NYNRIN: variants seen among roughly 807,000 people sequenced by gnomAD.
The protein encoded by NYNRIN is protein NYNRIN.
Under a neutral mutation model 146.6 loss-of-function variants are expected in NYNRIN, and 86 were observed. The observed-to-expected ratio is 0.59, with a 90% CI of 0.49 to 0.70. The LOEUF is 0.70. NYNRIN is among the 30% of genes least tolerant of loss of function. The pLI is 0.00. For missense variants in NYNRIN, 2,191 were observed against 2,377.7 expected, an observed-to-expected ratio of 0.92 and a Z score of 1.63; for synonymous variants, 1,027 against 1,001.3, an observed-to-expected ratio of 1.03 and a Z score of -0.48.
In NYNRIN at chr14:24,411,385, C is replaced by G. The variant is rs2042912060; in HGVS notation, c.2577C>G (p.Leu859=). ...ESHFLTKLHS[L]KMLSITPSQL... is the part of the protein sequence containing the mutation. Reference sequence around the variant, plus strand: ...ACTTTCTGACGAAGCTACACTCGCTCAAGATGCTTTCAATCACACCCTCCC... The same window carrying G: ...ACTTTCTGACGAAGCTACACTCGCTGAAGATGCTTTCAATCACACCCTCCC... The change falls in exon 6 of 9, where the codon CTC becomes CTG. Residue 859 remains leucine, a synonymous_variant. Coordinates refer to ENST00000382554, the MANE Select transcript of NYNRIN (RefSeq NM_025081.3). This position sits in a 1 kb window ranked among gnomAD's most constrained non-coding sequence, Gnocchi z 4.3. 6.2e-7 allele frequency: 1 copy of G among 1,613,930 alleles called. No homozygotes were observed. The highest frequency in any genetic ancestry group is 1.7e-5 in the Admixed American group (1 of 60,008).
In NYNRIN at chr14:24,399,120, CG is replaced by C. The variant is rs992619777; in HGVS notation, c.-18+40del. ...CGCCGCCTGGAGGAAGGAGGCCGTG[CG>C]GGGGGCGCGCCGCGGGGAGGAGGGG... On this transcript the variant is annotated intron_variant, in intron 1 of 8. Transcript: ENST00000382554. The C allele has an allele frequency of 1.1e-4, 93 of 866,434 alleles. 1 individual carries two copies. In the East Asian group the frequency reaches 2.4e-3, roughly 23 times the overall value. The allele number at this position is 866,434 out of a possible 1,614,324, so 53.7% of individuals were successfully genotyped here.
rs1490610109 is a variant in NYNRIN, at chr14:24,412,985, C to T, written c.2643-12C>T. On this transcript the variant is annotated splice_polypyrimidine_tract_variant and intron_variant, in intron 6 of 8. Transcript: ENST00000382554. ...GTTACTGGGTCATTAGTGACTTCCC[C>T]TCTCCCTGCAGGTTCATGGTAAAGC... 12 of 1,572,044 alleles carry T rather than the reference C, an allele frequency of 7.6e-6. No individual in the cohort carries two copies. The highest frequency in any genetic ancestry group is 1.0e-5 in the Non-Finnish European group (12 of 1,154,818).
chr14:24,405,297 G>C (rs1420265552), intron 2 of NYNRIN, among the ~76,000 whole-genome samples: 1 of 152,192 alleles, frequency 6.6e-6, no homozygotes, highest in Non-Finnish European at 1.5e-5. Context: ...TAGGTGTTAA[G>C]TAATAAAGCA....
intron 2 of NYNRIN, among the ~76,000 whole-genome samples, chr14:24,403,508 C>T (rs1418445197): frequency 1.3e-5 from 2 of 152,168 alleles, no homozygotes; most frequent in Non-Finnish European, 2.9e-5. Flanking sequence ...GGAACACATC[C>T]CTCTGTAGCC....
Position 24,417,612 on chromosome 14 carries a change from A to C in NYNRIN, c.*166A>C. ...GAATTGCCTTGAACTAGGGACCAGC[A>C]TCCCCATGGAAACATCCCCAGTTTG... is the stretch of plus-strand genomic sequence containing the variant. On this transcript the variant is annotated 3_prime_UTR_variant, in exon 9 of 9. Coordinates refer to ENST00000382554, the MANE Select transcript of NYNRIN (RefSeq NM_025081.3). The C allele has an allele frequency of 1.0e-6, 1 of 996,406 alleles. No individual in the cohort carries two copies. Among genetic ancestry groups the C allele is most frequent in the South Asian group, 2.9e-5 (1 of 34,578 alleles). 61.7% of individuals were successfully genotyped at this position (996,406 alleles called of 1,614,324 possible).
rs1400214089 is a variant in NYNRIN at position 24,410,056 on chromosome 14, G to A, written c.2262G>A (p.Gln754=). 6.2e-7 allele frequency: 1 copy of A among 1,613,818 alleles called. No homozygotes were observed. The highest frequency in any genetic ancestry group is 1.1e-5 in the South Asian group (1 of 91,090). Residue 754 remains glutamine (Q), a synonymous_variant, in exon 4 of 9, where the codon CAG becomes CAA. Transcript: ENST00000382554. ...GGGCTTGGGAGGGGGCCCCAAGGCA[G>A]CCACCTCGCCACCTGCAAGCGAACA... ...LLGAWEGAPR[Q]PPRHLQANST...
rs1446536675 is a variant in NYNRIN at position 24,416,871 on chromosome 14, C to T, written c.5122C>T (p.Leu1708Phe). Reference protein sequence around the residue: ...GAQVASLSRDLQFPCLTSSGA... With the variant: ...GAQVASLSRDFQFPCLTSSGA... ...CCAGGTGGCCTCCCTGAGTCGGGAC[C>T]TCCAGTTCCCCTGCCTGACGAGCTC... is the stretch of plus-strand genomic sequence containing the variant. The change falls in exon 9 of 9, where the codon CTC becomes TTC. Residue 1708 changes from leucine (L) to phenylalanine (F), a missense_variant. Leu to Phe is a conservative substitution (Grantham distance 22, BLOSUM62 0). This residue lies in a region of NYNRIN where 1,291 missense variants were observed against 1,417.0 expected (regional missense o/e 0.91). Transcript: ENST00000382554. The T allele has an allele frequency of 3.1e-6, 5 of 1,607,976 alleles. No homozygotes were observed. The highest frequency in any genetic ancestry group is 1.7e-5 in the Admixed American group (1 of 59,440).
Position 24,415,929 on chromosome 14 carries a change from G to A in NYNRIN, c.4180G>A (p.Ala1394Thr). 1 of 1,613,856 alleles carries A rather than the reference G, an allele frequency of 6.2e-7. No individual in the cohort carries two copies. The highest frequency in any genetic ancestry group is 1.1e-5 in the South Asian group (1 of 91,082). ...GTGGGAGCTCCTGCCCCTCTGGAGG[G>A]CTCGGGGCTTCCTCTCCTCTGATGG... ...LLWELLPLWR[A>T]RGFLSSDGAP... Residue 1394 changes from alanine (A) to threonine (T), a missense_variant, in exon 9 of 9, where the codon GCT (alanine) becomes ACT (threonine). Ala to Thr is a moderately conservative substitution (Grantham distance 58). This residue lies in a region of NYNRIN where 1,291 missense variants were observed against 1,417.0 expected (regional missense o/e 0.91). Coordinates refer to ENST00000382554, the MANE Select transcript of NYNRIN (RefSeq NM_025081.3).
chr14:24,399,564 G>A, intron 2 of NYNRIN, 120 bp downstream of exon 2: 2 of 908,362 alleles, frequency 2.2e-6, no homozygotes. Flanking sequence ...GGATTTGGCA[G>A]TGTGGCAGGC....
At chr14:24,400,969 A>G (rs150694351) in intron 2 of NYNRIN, among the ~76,000 whole-genome samples, 4,403 of 151,948 alleles carry the variant, frequency 0.029, 223 homozygotes, top group African/African-American at 0.1. Flanking sequence ...TTTGTATTTT[A>G]GTAGAGATGA....
Position 24,418,473 on chromosome 14 carries a change from A to T in NYNRIN, c.*1027A>T. 2.9e-6 allele frequency: 1 copy of T among 342,104 alleles called. No individual in the cohort carries two copies. Among genetic ancestry groups the T allele is most frequent in the South Asian group, 2.1e-5 (1 of 46,860 alleles). 21.2% of individuals were successfully genotyped at this position (342,104 alleles called of 1,614,324 possible). ...ATTGTGTGATTGCTTCATCTGTATCACCCCCCGAGTCCTGTGGACCTGCCT... is the reference window on the plus strand; with the variant it reads ...ATTGTGTGATTGCTTCATCTGTATCTCCCCCCGAGTCCTGTGGACCTGCCT... On this transcript the variant is annotated 3_prime_UTR_variant, in exon 9 of 9. Transcript: ENST00000382554.
intron 2 of NYNRIN, among the ~76,000 whole-genome samples, chr14:24,405,304 A>G (rs924557481): frequency 2.0e-5 from 3 of 152,342 alleles, no homozygotes; most frequent in Non-Finnish European, 4.4e-5. Context: ...TAAGTAATAA[A>G]GCACCTTGAC....
Position 24,413,052 on chromosome 14 carries a change from A to T in NYNRIN, c.2698A>T (p.Ile900Phe), listed in dbSNP as rs749282422. The T allele has an allele frequency of 6.2e-7, 1 of 1,602,308 alleles. No individual in the cohort carries two copies. The highest frequency in any genetic ancestry group is 2.2e-5 in the East Asian group (1 of 44,566). ...TDGIIVTNEQ[I>F]HILMNSSKKL... ...TGGCATCATTGTCACCAATGAGCAG[A>T]TTCACATCCTGATGAATAGTTCCAA... The change falls in exon 7 of 9, where the codon ATT becomes TTT. Residue 900 changes from isoleucine to phenylalanine, a missense_variant. Physicochemically the swap from Ile to Phe is conservative, Grantham distance 21 (BLOSUM62 0). Transcript: ENST00000382554.
At position 24,418,909 on chromosome 14, in the gene NYNRIN, G is replaced by C. The variant is rs2042966145; in HGVS notation, c.*1463G>C. 1 of 152,328 alleles carries C rather than the reference G, an allele frequency of 6.6e-6. No individual in the cohort carries two copies. The highest frequency in any genetic ancestry group is 2.4e-5 in the African/African-American group (1 of 41,568). 9.4% of individuals were successfully genotyped at this position (152,328 alleles called of 1,614,324 possible). ...TGACTCCCAGTTCACCATGAAAAGG[G>C]TTCTGGCAACAGGTTCAAGCTGGAG... On this transcript the variant is annotated 3_prime_UTR_variant, in exon 9 of 9. Transcript: ENST00000382554.
In NYNRIN at chr14:24,416,430, G is replaced by A. The variant is rs1416629255; in HGVS notation, c.4681G>A (p.Glu1561Lys). ...CTTGGGGGCCCACCAGAGGCCCGAA[G>A]AGACCTACAAGAAGTTGCGTTTGCT... ...IPLGAHQRPE[E>K]TYKKLRLLGW... is the part of the protein sequence containing the mutation. Residue 1561 changes from glutamate to lysine, a missense_variant, in exon 9 of 9, where the codon GAG becomes AAG. Physicochemically the swap from Glu to Lys is moderately conservative, Grantham distance 56. This residue lies in a region of NYNRIN where 1,291 missense variants were observed against 1,417.0 expected (regional missense o/e 0.91). Transcript: ENST00000382554. 6.2e-7 allele frequency: 1 copy of A among 1,613,122 alleles called. No homozygotes were observed. The highest frequency in any genetic ancestry group is 8.5e-7 in the Non-Finnish European group (1 of 1,179,572).
chr14:24,413,315 G>T lies in NYNRIN; in HGVS notation c.2745-1G>T. 6.2e-7 allele frequency: 1 copy of T among 1,611,830 alleles called. No homozygotes were observed. Among genetic ancestry groups the T allele is most frequent in the Non-Finnish European group, 8.5e-7 (1 of 1,178,954 alleles). On this transcript the variant is annotated splice_acceptor_variant, in intron 7 of 8. Transcript: ENST00000382554. LOFTEE classifies it high-confidence loss of function. ...TGTGCCTCTTCTCCCCCTGGGCCCA[G>T]CTTGCTGCCTTTCACCTTTGCGGGG... is the stretch of plus-strand genomic sequence containing the variant.
intron 6 of NYNRIN, chr14:24,412,774 C>T (rs761252456): frequency 3.8e-5 from 17 of 449,668 alleles, no homozygotes; most frequent in Middle Eastern, 1.2e-3. Context: ...GCTGGGAATG[C>T]GTGCATCCAA....
At position 24,411,259 on chromosome 14, in the gene NYNRIN, C is replaced by T. The variant is rs1429475819; in HGVS notation, c.2545+53C>T. On this transcript the variant is annotated intron_variant, in intron 5 of 8. Transcript: ENST00000382554. The surrounding 1 kb of genome is among the most constrained non-coding windows in gnomAD (Gnocchi z 4.3). ...CCACAGTGTCACCAAGCTTTCTTCT[C>T]TCTGCCTTGCTGCCCCGACCCTCTG... The T allele has an allele frequency of 5.6e-6, 9 of 1,611,804 alleles. No homozygotes were observed. Among genetic ancestry groups the T allele is most frequent in the Non-Finnish European group, 7.6e-6 (9 of 1,178,948 alleles).
In NYNRIN at chr14:24,417,532, A is replaced by C. The variant is rs2042956615; in HGVS notation, c.*86A>C. ...CCTGTCCCAGCAGTGCTCTCAGTCC[A>C]CTGGGGGCCCTCAGTTGTGCCTTTT... is the stretch of plus-strand genomic sequence containing the variant. On this transcript the variant is annotated 3_prime_UTR_variant, in exon 9 of 9. Coordinates refer to ENST00000382554, the MANE Select transcript of NYNRIN (RefSeq NM_025081.3). The C allele has an allele frequency of 7.1e-7, 1 of 1,402,516 alleles. No homozygotes were observed. The highest frequency in any genetic ancestry group is 9.2e-7 in the Non-Finnish European group (1 of 1,082,308). 86.9% of individuals were successfully genotyped at this position (1,402,516 alleles called of 1,614,324 possible). A position where few individuals can be genotyped will look rare whatever the true frequency, so the allele number is the denominator to read the frequency against.
Sources: gnomAD v4.1 joint callset for allele counts (sites outside exome capture counted in the v4.1 genomes callset) on GRCh38, gnomAD v4.1.1 for gene constraint, gnomAD v4.1.1 regional missense constraint, Gnocchi (gnomAD v3.1) non-coding constraint, MANE v1.5 for transcripts, NCBI Gene and HGNC (gene_info 2026-07-23, HGNC 2026-07-21) for gene names.